The following HHAT variants were observed in gnomAD, a reference collection of about 807,000 sequenced individuals.
The protein encoded by HHAT is hedgehog acyltransferase.
Under a neutral mutation model 70.8 loss-of-function variants are expected in HHAT, and 47 were observed. The ratio of observed to expected loss-of-function variants is 0.66; its 90% CI spans 0.53 to 0.85. HHAT has a LOEUF of 0.85. Ranked by LOEUF, HHAT falls within the 40% of genes least tolerant of loss-of-function variation. The pLI, the probability that HHAT is intolerant of heterozygous loss-of-function variation, is 0.00. For missense variants in HHAT, 609 were observed against 604.8 expected, an observed-to-expected ratio of 1.01 and a Z score of -0.07; for synonymous variants, 228 against 247.6, an observed-to-expected ratio of 0.92 and a Z score of 0.74.
intron 8 of HHAT, among the ~76,000 whole-genome samples, chr1:210,483,765 C>A (rs1470315933): frequency 6.6e-6 from 1 of 152,150 alleles, no homozygotes; most frequent in Non-Finnish European, 1.5e-5. Context: ...TTTATCTCCT[C>A]ATGGGTTACA....
At chr1:210,543,361 T>C (rs1032648921) in intron 9 of HHAT, among the ~76,000 whole-genome samples, 4 of 148,440 alleles carry the variant, frequency 2.7e-5, no homozygotes, top group Non-Finnish European at 3.0e-5. Flanking sequence ...TTTTTTTTTT[T>C]CCTTCTTTTT....
chr1:210,361,967 C>T (rs2088372682), intron 2 of HHAT, among the ~76,000 whole-genome samples: 1 of 152,166 alleles, frequency 6.6e-6, no homozygotes, highest in Admixed American at 6.5e-5. Context: ...GTTTGTCTAT[C>T]TTCCCCAGCA....
intron 11 of HHAT, among the ~76,000 whole-genome samples, chr1:210,625,084 G>A (rs957195500): frequency 6.6e-6 from 1 of 152,236 alleles, no homozygotes; most frequent in South Asian, 2.1e-4. Flanking sequence ...GGCCAAGAGA[G>A]AGTCCTGTTC....
At chr1:210,575,289 A>G (rs1346206745) in intron 9 of HHAT, among the ~76,000 whole-genome samples, 1 of 152,036 alleles carries the variant, frequency 6.6e-6, no homozygotes, top group African/African-American at 2.4e-5. Flanking sequence ...AAATGCTTTC[A>G]GCATCGTCTT....
chr1:210,567,123 G>A (rs956057856), intron 9 of HHAT, among the ~76,000 whole-genome samples: 7 of 152,186 alleles, frequency 4.6e-5, no homozygotes, highest in Non-Finnish European at 8.8e-5. Flanking sequence ...CATCCCTGTT[G>A]CACATCCTGT....
At chr1:210,632,613 A>G (rs1433631639) in intron 11 of HHAT, among the ~76,000 whole-genome samples, 4 of 152,216 alleles carry the variant, frequency 2.6e-5, no homozygotes, top group Admixed American at 6.5e-5. Flanking sequence ...CCGGCATTCA[A>G]ACTGCCATGC....
chr1:210,652,984 G>C (rs571737208), intron 11 of HHAT, among the ~76,000 whole-genome samples: 14 of 152,306 alleles, frequency 9.2e-5, no homozygotes, highest in Admixed American at 7.8e-4. Context: ...TTTCACACAT[G>C]TGAAATGAAA....
At chr1:210,356,216 G>GA (rs34959188) in intron 2 of HHAT, among the ~76,000 whole-genome samples, 1 of 152,046 alleles carries the variant, frequency 6.6e-6, no homozygotes, top group South Asian at 2.1e-4. Context: ...CCTGGCCTGT[G>GA]AAAATTATTT....
intron 1 of HHAT, among the ~76,000 whole-genome samples, chr1:210,337,060 G>A (rs997863722): frequency 1.3e-5 from 2 of 152,142 alleles, no homozygotes; most frequent in African/African-American, 4.8e-5. Context: ...TTTAATGGCA[G>A]AGATCTGGCT....
At chr1:210,479,669 A>C (rs2094361591) in intron 8 of HHAT, among the ~76,000 whole-genome samples, 1 of 152,242 alleles carries the variant, frequency 6.6e-6, no homozygotes, top group Non-Finnish European at 1.5e-5. Flanking sequence ...TTAAACTGTC[A>C]TGTCTTTAAA....
chr1:210,365,933 ATT>A (rs34661266), intron 3 of HHAT, among the ~76,000 whole-genome samples: 3,730 of 150,092 alleles, frequency 0.025, 53 homozygotes, highest in South Asian at 0.046. Flanking sequence ...ATTAAAAAAA[ATT>A]TTTTTTTTTG....
At chr1:210,668,155 A>G (rs1312817858) in intron 11 of HHAT, among the ~76,000 whole-genome samples, 1 of 152,146 alleles carries the variant, frequency 6.6e-6, no homozygotes, top group Non-Finnish European at 1.5e-5. Context: ...CCTTCCTTTT[A>G]AAGGCTAAAT....
Sources: gnomAD v4.1 joint callset for allele counts (sites outside exome capture counted in the v4.1 genomes callset) on GRCh38, gnomAD v4.1.1 for gene constraint, MANE v1.5 for transcripts, NCBI Gene and HGNC (gene_info 2026-07-23, HGNC 2026-07-21) for gene names.